Variants in PKP2 observed in about 807,000 individuals in gnomAD.
PKP2 encodes plakophilin-2.
In PKP2, 73 loss-of-function variants were observed where a neutral mutation model predicts 83.4. That is an observed-to-expected ratio of 0.88 (90% CI 0.72 to 1.06). PKP2 has a LOEUF of 1.06. Ranked by LOEUF, PKP2 falls within the 50% of genes least tolerant of loss-of-function variation. The pLI is 0.00. For synonymous variants in PKP2, 409 were observed against 430.4 expected, an observed-to-expected ratio of 0.95 and a Z score of 0.62; for missense variants, 966 against 1,065.4, an observed-to-expected ratio of 0.91 and a Z score of 1.30.
chr12:32,896,488 G>T, intron 1 of PKP2, 21 bp downstream of exon 1: 1 of 1,453,026 alleles, frequency 6.9e-7, no homozygotes, highest in Non-Finnish European at 9.1e-7. Flanking sequence ...GCGGCGCCGG[G>T]GAGCGGCGGG....
intron 6 of PKP2, among the ~76,000 whole-genome samples, chr12:32,824,762 CA>C (rs1272384410): frequency 1.3e-5 from 2 of 152,126 alleles, no homozygotes; most frequent in Admixed American, 6.5e-5. Context: ...AGGCTTCAGT[CA>C]AAAGTATGAC....
At chr12:32,873,453 C>T (rs1470376933) in intron 3 of PKP2, among the ~76,000 whole-genome samples, 1 of 151,980 alleles carries the variant, frequency 6.6e-6, no homozygotes, top group African/African-American at 2.4e-5. Context: ...CACAACCTAG[C>T]ACTTGATGAT....
chr12:32,808,217 C>T (rs1351224663), intron 9 of PKP2, among the ~76,000 whole-genome samples: 1 of 152,204 alleles, frequency 6.6e-6, no homozygotes, highest in South Asian at 2.1e-4. Context: ...AGGTTTTGTT[C>T]ATTCCTTTTC....
At chr12:32,832,309 C>T (rs775712773) in intron 6 of PKP2, among the ~76,000 whole-genome samples, 4 of 151,586 alleles carry the variant, frequency 2.6e-5, no homozygotes, top group Admixed American at 6.6e-5. Context: ...ACCTGGGAAG[C>T]GGAGGTTGCA....
chr12:32,880,974 G>T (rs1591830181), intron 1 of PKP2, among the ~76,000 whole-genome samples: 1 of 152,156 alleles, frequency 6.6e-6, no homozygotes, highest in African/African-American at 2.4e-5. Context: ...CATGAAAGAT[G>T]TTGAGAATAC....
rs370868564 is a variant in PKP2, at chr12:32,869,033, C to T, written c.1064G>A (p.Arg355Gln). The change falls in exon 4 of 13, where the codon CGA becomes CAA. Residue 355 changes from arginine (R) to glutamine (Q), a missense_variant. Physicochemically the swap from Arg to Gln is conservative, Grantham distance 43. Coordinates refer to ENST00000340811, the MANE Select transcript of PKP2 (RefSeq NM_001005242.3). Reference sequence around the variant, plus strand: ...GTCTGCCTCGAGCATACTCACTGCTCGCTCCAGAGTCATCTCCATGTCTGC... The same window carrying T: ...GTCTGCCTCGAGCATACTCACTGCTTGCTCCAGAGTCATCTCCATGTCTGC... ...GNADMEMTLE[R>Q]AVSMLEADHM... The T allele has an allele frequency of 2.0e-5, 33 of 1,613,852 alleles. No homozygotes were observed. Among genetic ancestry groups the T allele is most frequent in the African/African-American group, 5.3e-5 (4 of 74,940 alleles).
At chr12:32,805,100 T>C (rs1956215918) in intron 9 of PKP2, among the ~76,000 whole-genome samples, 1 of 152,212 alleles carries the variant, frequency 6.6e-6, no homozygotes, top group Non-Finnish European at 1.5e-5. Flanking sequence ...GTACGTCTTC[T>C]TTTGAGAAGA....
chr12:32,842,324 T>C (rs191444751), intron 5 of PKP2, among the ~76,000 whole-genome samples: 5 of 152,108 alleles, frequency 3.3e-5, no homozygotes, highest in Admixed American at 6.5e-5. Context: ...TTCATTGCAA[T>C]CTCCACCTCC....
chr12:32,841,549 G>T (rs1250934290), intron 5 of PKP2, among the ~76,000 whole-genome samples: 1 of 152,262 alleles, frequency 6.6e-6, no homozygotes, highest in East Asian at 1.9e-4. Flanking sequence ...AATAAAGTCT[G>T]GGCTCACCAA....
intron 5 of PKP2, among the ~76,000 whole-genome samples, chr12:32,845,379 T>C (rs1956635625): frequency 6.6e-6 from 1 of 151,836 alleles, no homozygotes; most frequent in Non-Finnish European, 1.5e-5. Flanking sequence ...GTAAAACTCG[T>C]CTCTACTAAA....
At chr12:32,843,349 G>A (rs1225793235) in intron 5 of PKP2, 2 of 1,361,012 alleles carry the variant, frequency 1.5e-6, no homozygotes, top group Non-Finnish European at 2.0e-6. Context: ...GGTACTCAGG[G>A]CAGGCTCCTT....
Position 32,850,793 on chromosome 12 carries a change from C to T in PKP2, c.1351G>A (p.Asp451Asn), listed in dbSNP as rs756554413. 1 of 1,613,026 alleles carries T rather than the reference C, an allele frequency of 6.2e-7. No homozygotes were observed. Among genetic ancestry groups the T allele is most frequent in the South Asian group, 1.1e-5 (1 of 91,018 alleles). The change falls in exon 5 of 13, where the codon GAC (aspartate) becomes AAC (asparagine). Residue 451 changes from aspartate to asparagine, a missense_variant. Coordinates refer to ENST00000340811, the MANE Select transcript of PKP2 (RefSeq NM_001005242.3). ...GTTATTTGTTTTTTAGTCTCCAAGT[C>T]TCTGGTTTGCTTCAGCACCTGGAGC... ...RLLQVLKQTR[D>N]LETKKQITGL...
At position 32,840,970 on chromosome 12, in the gene PKP2, TG is replaced by T; in HGVS notation, c.1556+57del. 39 of 1,308,482 alleles carry T rather than the reference TG, an allele frequency of 3.0e-5. No individual in the cohort carries two copies. In the South Asian group the frequency reaches 4.6e-4, roughly 15 times the overall value. The allele number at this position is 1,308,482 out of a possible 1,614,324, so 81.1% of individuals were successfully genotyped here. A position where few individuals can be genotyped will look rare whatever the true frequency, so the allele number is the denominator to read the frequency against. ...AAGGCAGAATATATCCTGACTTCCT[TG>T]GGGCTACCTAATTTTTTATTGCATC... On this transcript the variant is annotated intron_variant, in intron 6 of 12. Transcript: ENST00000340811.
In PKP2 at chr12:32,878,534, T is replaced by G. The variant is rs1591829089; in HGVS notation, c.346A>C (p.Thr116Pro). 1 of 1,611,948 alleles carries G rather than the reference T, an allele frequency of 6.2e-7. No individual in the cohort carries two copies. The highest frequency in any genetic ancestry group is 8.5e-7 in the Non-Finnish European group (1 of 1,179,020). The change falls in exon 3 of 13, where the codon ACT becomes CCT. Residue 116 changes from threonine (T) to proline (P), a missense_variant. Thr to Pro is a conservative substitution (Grantham distance 38). Coordinates refer to ENST00000340811, the MANE Select transcript of PKP2 (RefSeq NM_001005242.3). ...CCCCAGCGACCTTCATAAGTGGCAG[T>G]TGTGCCAGCCTGCACATGAGAGAAA... ...KTYDMLKAGTTATYEGRWGRG... is the reference protein window; with the variant it reads ...KTYDMLKAGTPATYEGRWGRG...
rs75033633 is a variant in PKP2, at chr12:32,875,938, C to T, written c.1034+1908G>A. Among the ~76,000 whole-genome samples the T allele has an allele frequency of 9.3e-4, 141 of 152,198 alleles. 1 individual carries two copies. The East Asian group carries it at 0.021, about 23-fold the overall frequency. On this transcript the variant is annotated intron_variant, in intron 3 of 12. Coordinates refer to ENST00000340811, the MANE Select transcript of PKP2 (RefSeq NM_001005242.3). The stretch of plus-strand genomic sequence containing the variant: ...GAATTGCAGACAAAACTTTGAGAAC[C>T]ATAAGGATAAAAGTGAGGTACACAG...
At chr12:32,886,039 C>T (rs1299194714) in intron 1 of PKP2, among the ~76,000 whole-genome samples, 1 of 152,110 alleles carries the variant, frequency 6.6e-6, no homozygotes, top group Non-Finnish European at 1.5e-5. Context: ...TGTAGAGGTG[C>T]CCACAAAAAC....
At chr12:32,820,163 AT>A (rs1451781904) in intron 9 of PKP2, 3 of 152,252 alleles carry the variant, frequency 2.0e-5, no homozygotes, top group Non-Finnish European at 4.4e-5. Flanking sequence ...GCATTTCACA[AT>A]TTTATTCAGA....
chr12:32,877,927 T>C lies in PKP2; in HGVS notation c.953A>G (p.His318Arg), dbSNP rs181098323. ...VAVDSSGRRA[H>R]LTVGQAAAGG... ...TGCGGCCGCCTGGCCGACAGTCAAG[T>C]GCGCTCTCCTCCCGCTGGAATCCAC... is the stretch of plus-strand genomic sequence containing the variant. The change falls in exon 3 of 13, where the codon CAC (histidine) becomes CGC (arginine). Residue 318 changes from histidine to arginine, a missense_variant. Physicochemically the swap from His to Arg is conservative, Grantham distance 29. Coordinates refer to ENST00000340811, the MANE Select transcript of PKP2 (RefSeq NM_001005242.3). 1 of 1,614,144 alleles carries C rather than the reference T, an allele frequency of 6.2e-7. No individual in the cohort carries two copies. The highest frequency in any genetic ancestry group is 2.2e-5 in the East Asian group (1 of 44,874).
rs1264399626 is a variant in PKP2, at chr12:32,824,078, T to C, written c.1641A>G (p.Arg547=). ...GLIDSLVHYV[R]GTIADYQPDD... ...CTGGCTGGTAATCTGCAATGGTTCC[T>C]CTGACATAATGGACCAGTGAGTCAA... The change falls in exon 7 of 13, where the codon AGA becomes AGG. Residue 547 remains arginine (R), a synonymous_variant. Transcript: ENST00000340811. The C allele has an allele frequency of 4.4e-6, 7 of 1,608,718 alleles. No individual in the cohort carries two copies. The highest frequency in any genetic ancestry group is 5.1e-6 in the Non-Finnish European group (6 of 1,175,414).
Sources: allele counts gnomAD v4.1 joint callset (sites outside exome capture counted in the v4.1 genomes callset), GRCh38; gene constraint gnomAD v4.1.1; transcripts MANE v1.5; gene names NCBI Gene and HGNC (gene_info 2026-07-23, HGNC 2026-07-21).